PARD3B: variants seen among roughly 807,000 people sequenced by gnomAD.
The protein encoded by PARD3B is par-3 family cell polarity regulator beta, also known as partitioning defective 3 homolog B.
Under a neutral mutation model 130.2 loss-of-function variants are expected in PARD3B, and 103 were observed. The observed-to-expected ratio is 0.79, with a 90% CI of 0.67 to 0.93. The LOEUF (loss-of-function observed/expected upper bound fraction) is 0.93, where lower values mean the gene tolerates loss of function less well. Ranked by LOEUF, PARD3B falls within the 40% of genes least tolerant of loss-of-function variation. The pLI is 0.00. For synonymous variants in PARD3B, 583 were observed against 553.2 expected (o/e 1.05, Z -0.76); for missense variants, 1,609 against 1,499.2 (o/e 1.07, Z -1.21).
chr2:204,924,682 A>G (rs2125760081), intron 2 of PARD3B, among the ~76,000 whole-genome samples: 1 of 152,184 alleles, frequency 6.6e-6, no homozygotes, highest in East Asian at 1.9e-4. Flanking sequence ...AGAAAATGAA[A>G]ACAAAAAGCC....
chr2:204,843,470 A>G lies in PARD3B; in HGVS notation c.223-121682A>G, dbSNP rs144986093. Among the ~76,000 whole-genome samples, 33 of 151,710 alleles carry G rather than the reference A, an allele frequency of 2.2e-4. No individual in the cohort carries two copies. The East Asian group carries it at 4.3e-3, about 20-fold the overall frequency. On this transcript the variant is annotated intron_variant, in intron 2 of 22. Coordinates refer to ENST00000406610, the MANE Select transcript of PARD3B (RefSeq NM_001302769.2). ...AGTGGCGTGATCTTGGTTGACTGCA[A>G]CCTCCACCTGTGGGGTTCAAGTGAC...
intron 2 of PARD3B, among the ~76,000 whole-genome samples, chr2:204,715,257 T>G (rs941229896): frequency 6.6e-6 from 1 of 152,212 alleles, no homozygotes; most frequent in African/African-American, 2.4e-5. Flanking sequence ...CTGTGCCTAA[T>G]GAAGACTGTA....
rs1034034532 is a variant in PARD3B at position 205,589,552 on chromosome 2, G to A, written c.3261-25904G>A. Among the ~76,000 whole-genome samples, 1 of 152,164 alleles carries A rather than the reference G, an allele frequency of 6.6e-6. No homozygotes were observed. Among genetic ancestry groups the A allele is most frequent in the Non-Finnish European group, 1.5e-5 (1 of 68,022 alleles). The stretch of plus-strand genomic sequence containing the variant: ...CAGGCTGGAAGAGATGGGCACAGTG[G>A]AAGTCATTTTGGTACCTTCCTTTTT... On this transcript the variant is annotated intron_variant, in intron 22 of 22. Transcript: ENST00000406610. This position sits in a 1 kb window ranked among gnomAD's most constrained non-coding sequence, Gnocchi z 4.1.
At chr2:205,535,728 T>C (rs1344702014) in intron 21 of PARD3B, among the ~76,000 whole-genome samples, 2 of 152,218 alleles carry the variant, frequency 1.3e-5, no homozygotes, top group Non-Finnish European at 2.9e-5. Flanking sequence ...CCTCTTCCTG[T>C]GCAAAGTGGC....
chr2:204,854,963 G>C (rs998629689), intron 2 of PARD3B, among the ~76,000 whole-genome samples: 1 of 152,090 alleles, frequency 6.6e-6, no homozygotes. Flanking sequence ...ACCAGTGGGC[G>C]GTGGATGCGC....
At chr2:205,380,261 AG>A (rs2045281020) in intron 18 of PARD3B, among the ~76,000 whole-genome samples, 1 of 25,796 alleles carries the variant, frequency 3.9e-5, no homozygotes, top group Admixed American at 1.0e-3. Context: ...TAATATATAA[AG>A]AATATATATT....
intron 20 of PARD3B, among the ~76,000 whole-genome samples, chr2:205,456,298 A>T (rs2048274246): frequency 6.6e-6 from 1 of 152,016 alleles, no homozygotes; most frequent in Non-Finnish European, 1.5e-5. Flanking sequence ...GTTTATGGCT[A>T]TTACAAACAG....
rs2030641128 is a variant in PARD3B, at chr2:205,121,019, G to A, written c.807-572G>A. ...AGAGTAACAGGAAGGGTGCATGTTG[G>A]ATTGAAATTCCACTGAGACATTTTG... is the stretch of plus-strand genomic sequence containing the variant. On this transcript the variant is annotated intron_variant, in intron 7 of 22. Coordinates refer to ENST00000406610, the MANE Select transcript of PARD3B (RefSeq NM_001302769.2). This position sits in a 1 kb window ranked among gnomAD's most constrained non-coding sequence, Gnocchi z 5.0. Among the ~76,000 whole-genome samples the A allele has an allele frequency of 6.6e-6, 1 of 152,154 alleles. No individual in the cohort carries two copies. Among genetic ancestry groups the A allele is most frequent in the Non-Finnish European group, 1.5e-5 (1 of 68,024 alleles).
At chr2:205,074,689 A>G (rs1365449473) in intron 4 of PARD3B, among the ~76,000 whole-genome samples, 2 of 152,148 alleles carry the variant, frequency 1.3e-5, no homozygotes, top group Admixed American at 6.6e-5. Context: ...GTGCATCGCA[A>G]AATTTACAAA....
chr2:205,433,476 G>A (rs1162214071), intron 19 of PARD3B, among the ~76,000 whole-genome samples: 2 of 146,126 alleles, frequency 1.4e-5, no homozygotes, highest in Non-Finnish European at 3.0e-5. Flanking sequence ...AGGTTGCAGT[G>A]AGCTGAGATC....
chr2:204,801,066 T>C (rs1490199558), intron 2 of PARD3B, among the ~76,000 whole-genome samples: 1 of 152,184 alleles, frequency 6.6e-6, no homozygotes. Context: ...GTTTCATTGG[T>C]CTACATATCT....
chr2:204,583,884 G>T (rs936031232), intron 1 of PARD3B, among the ~76,000 whole-genome samples: 1 of 152,206 alleles, frequency 6.6e-6, no homozygotes, highest in Non-Finnish European at 1.5e-5. Flanking sequence ...TCAGATCTTG[G>T]TGCACACATT....
At chr2:204,712,151 A>G (rs1475373947) in intron 2 of PARD3B, among the ~76,000 whole-genome samples, 1 of 152,212 alleles carries the variant, frequency 6.6e-6, no homozygotes, top group African/African-American at 2.4e-5. Flanking sequence ...AGTTTATATC[A>G]TATATTCCCA....
At chr2:204,710,193 G>A (rs2038367212) in intron 2 of PARD3B, among the ~76,000 whole-genome samples, 1 of 152,082 alleles carries the variant, frequency 6.6e-6, no homozygotes, top group Non-Finnish European at 1.5e-5. Context: ...CATATATTTG[G>A]GAAGACATTG....
At chr2:204,797,480 A>G (rs1352064542) in intron 2 of PARD3B, among the ~76,000 whole-genome samples, 1 of 152,128 alleles carries the variant, frequency 6.6e-6, no homozygotes, top group Admixed American at 6.6e-5. Flanking sequence ...CTTTGGTTGT[A>G]TTGTTATTGT....
intron 18 of PARD3B, among the ~76,000 whole-genome samples, chr2:205,372,336 G>C (rs924528681): frequency 2.0e-5 from 3 of 152,080 alleles, no homozygotes; most frequent in Non-Finnish European, 4.4e-5. Flanking sequence ...ATCTATCCTT[G>C]TTATTATAGC....
intron 2 of PARD3B, among the ~76,000 whole-genome samples, chr2:204,797,273 TATAAC>T (rs1044582835): frequency 1.3e-5 from 2 of 152,092 alleles, no homozygotes; most frequent in Non-Finnish European, 2.9e-5. Flanking sequence ...AACTTAGAAT[TATAAC>T]ATATGAAATA....
At chr2:204,576,607 G>A (rs1020469825) in intron 1 of PARD3B, among the ~76,000 whole-genome samples, 12 of 152,060 alleles carry the variant, frequency 7.9e-5, no homozygotes, top group East Asian at 3.8e-4. Context: ...ACAGCAGGAT[G>A]TGTGTGTGTG....
chr2:205,456,172 C>T (rs2048267960), intron 20 of PARD3B, among the ~76,000 whole-genome samples: 1 of 152,024 alleles, frequency 6.6e-6, no homozygotes, highest in African/African-American at 2.4e-5. Flanking sequence ...GCACTATTTG[C>T]TTAATCATAT....
Sources: allele counts gnomAD v4.1 joint callset (sites outside exome capture counted in the v4.1 genomes callset), GRCh38; gene constraint gnomAD v4.1.1; non-coding constraint Gnocchi (gnomAD v3.1); transcripts MANE v1.5; gene names NCBI Gene and HGNC (gene_info 2026-07-23, HGNC 2026-07-21).